HYDIN: variants seen among roughly 807,000 people sequenced by gnomAD.
The protein encoded by HYDIN is HYDIN axonemal central pair apparatus protein, also known as axonemal central pair apparatus protein HYDIN.
A neutral mutation model predicts 403.9 loss-of-function variants in HYDIN; 132 were observed. That is an observed-to-expected ratio of 0.33 (90% CI 0.28 to 0.38). The LOEUF (loss-of-function observed/expected upper bound fraction) is 0.38, where lower values mean the gene tolerates loss of function less well. HYDIN is among the 10% of genes least tolerant of loss of function. The pLI, the probability that HYDIN is intolerant of heterozygous loss-of-function variation, is 1.00. For missense variants in HYDIN, 2,827 were observed against 5,009.5 expected (o/e 0.56, Z 13.15); for synonymous variants, 1,202 against 1,891.7 (o/e 0.64, Z 9.46).
chr16:70,995,372 T>C (rs945296398), intron 23 of HYDIN, among the ~76,000 whole-genome samples: 8 of 152,240 alleles, frequency 5.3e-5, no homozygotes, highest in Non-Finnish European at 1.2e-4. Flanking sequence ...ATCAGAATCA[T>C]GGGAGAAGCC....
chr16:70,925,304 G>C (rs559199753), intron 45 of HYDIN, among the ~76,000 whole-genome samples: 155 of 152,334 alleles, frequency 1.0e-3, no homozygotes, highest in African/African-American at 3.5e-3. Context: ...GGGCAAGCAA[G>C]ACCCCTATCT....
chr16:71,080,933 A>G (rs1264171196), intron 12 of HYDIN: 1 of 152,156 alleles, frequency 6.6e-6, no homozygotes, highest in African/African-American at 2.4e-5. Flanking sequence ...AACTTTGAAC[A>G]AAGAAGAAGG....
chr16:70,925,002 T>C (rs2143827220), intron 45 of HYDIN, among the ~76,000 whole-genome samples: 1 of 152,000 alleles, frequency 6.6e-6, no homozygotes, highest in South Asian at 2.1e-4. Flanking sequence ...AAAAAAAAGG[T>C]CCACCTGAAA....
intron 3 of HYDIN, 36 bp from the exon 4 acceptor site, chr16:71,179,083 A>G: frequency 6.4e-7 from 1 of 1,562,692 alleles, no homozygotes; most frequent in Non-Finnish European, 8.7e-7. Flanking sequence ...TTATAGTCAC[A>G]CATTGACAAA....
At chr16:70,855,739 T>C (rs1005377540) in intron 72 of HYDIN, among the ~76,000 whole-genome samples, 17 of 152,284 alleles carry the variant, frequency 1.1e-4, no homozygotes, top group Non-Finnish European at 4.4e-5. Flanking sequence ...CTCACTATCA[T>C]CTTACGCTTT....
At chr16:71,183,488 T>C (rs2086992740) in intron 3 of HYDIN, among the ~76,000 whole-genome samples, 2 of 152,130 alleles carry the variant, frequency 1.3e-5, no homozygotes, top group African/African-American at 4.8e-5. Context: ...TACTGAACTT[T>C]AAATAATAAC....
At chr16:71,192,134 T>A (rs1372905170) in intron 1 of HYDIN, among the ~76,000 whole-genome samples, 1 of 152,170 alleles carries the variant, frequency 6.6e-6, no homozygotes, top group African/African-American at 2.4e-5. Flanking sequence ...GAGCCCGGAA[T>A]AGAACCAGTC....
chr16:70,990,118 G>A (rs2079298424), intron 25 of HYDIN, among the ~76,000 whole-genome samples: 1 of 152,028 alleles, frequency 6.6e-6, no homozygotes, highest in African/African-American at 2.4e-5. Context: ...TTGCTTAGCT[G>A]GGGGCGATGT....
intron 18 of HYDIN, among the ~76,000 whole-genome samples, chr16:71,059,287 T>C (rs2082004751): frequency 6.6e-6 from 1 of 152,086 alleles, no homozygotes; most frequent in African/African-American, 2.4e-5. Flanking sequence ...AGGTTTTACA[T>C]GTAAGTCTTT....
chr16:70,929,156 G>T (rs2077239683), intron 45 of HYDIN, among the ~76,000 whole-genome samples: 1 of 142,354 alleles, frequency 7.0e-6, no homozygotes, highest in African/African-American at 2.6e-5. Flanking sequence ...TGGGCGTGGT[G>T]GTGCATGCCT....
intron 54 of HYDIN, among the ~76,000 whole-genome samples, chr16:70,895,044 A>C (rs986044481): frequency 2.0e-5 from 3 of 151,892 alleles, no homozygotes; most frequent in Non-Finnish European, 4.4e-5. Flanking sequence ...GGTTTTTCCA[A>C]CTTTTCATTG....
chr16:70,834,895 T>TATATACACACACAC (rs1319576235), intron 78 of HYDIN, among the ~76,000 whole-genome samples: 99 of 148,866 alleles, frequency 6.7e-4, no homozygotes, highest in Middle Eastern at 3.5e-3. Context: ...TGTGTGTATA[T>TATATACACACACAC]ATATATACAC....
chr16:70,946,500 G>A (rs575799967), intron 41 of HYDIN, among the ~76,000 whole-genome samples: 40 of 152,238 alleles, frequency 2.6e-4, no homozygotes, highest in Non-Finnish European at 4.6e-4. Context: ...TGGTCTGCAT[G>A]GAGTAGGGGG....
At chr16:71,150,574 A>G (rs2085499257) in intron 7 of HYDIN, among the ~76,000 whole-genome samples, 1 of 151,036 alleles carries the variant, frequency 6.6e-6, no homozygotes. Flanking sequence ...GCATTAACCT[A>G]AAGACAGGAG....
At chr16:71,104,291 T>C (rs2083546597) in intron 10 of HYDIN, among the ~76,000 whole-genome samples, 1 of 151,392 alleles carries the variant, frequency 6.6e-6, no homozygotes, top group Admixed American at 6.6e-5. Flanking sequence ...TAACATTAAC[T>C]TCTGATGGTA....
At chr16:70,846,188 A>C (rs2038191178) in intron 75 of HYDIN, among the ~76,000 whole-genome samples, 1 of 143,760 alleles carries the variant, frequency 7.0e-6, no homozygotes, top group Non-Finnish European at 1.5e-5. Context: ...TAGTGCTATA[A>C]ATTTCCCTCT....
intron 4 of HYDIN, among the ~76,000 whole-genome samples, chr16:71,177,797 T>C (rs1003627681): frequency 6.6e-6 from 1 of 152,226 alleles, no homozygotes; most frequent in Admixed American, 6.5e-5. Context: ...GTATGCTTCA[T>C]GCTGAACTTC....
chr16:71,097,849 G>T (rs10775319), intron 10 of HYDIN, among the ~76,000 whole-genome samples: 4 of 151,856 alleles, frequency 2.6e-5, no homozygotes, highest in Non-Finnish European at 1.5e-5. Flanking sequence ...ATTACAGAAA[G>T]TATGCTTAGA....
At chr16:70,882,925 C>T in intron 59 of HYDIN, 30 bp from the exon 60 acceptor site, 4 of 1,522,918 alleles carry the variant, frequency 2.6e-6, no homozygotes, top group Non-Finnish European at 3.6e-6. Context: ...CCATGAGATG[C>T]TGCCTGATTG....
Sources: allele counts gnomAD v4.1 joint callset (sites outside exome capture counted in the v4.1 genomes callset), GRCh38; gene constraint gnomAD v4.1.1; transcripts MANE v1.5; gene names NCBI Gene and HGNC (gene_info 2026-07-23, HGNC 2026-07-21).